PCDHGA1: variants seen among roughly 807,000 people sequenced by gnomAD.
The protein encoded by PCDHGA1 is protocadherin gamma subfamily A, 1, also known as protocadherin gamma-A1.
In PCDHGA1, 32 loss-of-function variants were observed where a neutral mutation model predicts 58.0. The ratio of observed to expected loss-of-function variants is 0.55; its 90% CI spans 0.42 to 0.74. The LOEUF (loss-of-function observed/expected upper bound fraction) is 0.74. PCDHGA1 is among the 30% of genes least tolerant of loss of function. PCDHGA1 has a pLI of 0.00. For synonymous variants in PCDHGA1, 498 were observed against 501.1 expected (o/e 0.99, Z 0.08); for missense variants, 1,205 against 1,182.3 (o/e 1.02, Z -0.28).
chr5:141,399,685 C>G (rs1344845350), intron 1 of PCDHGA1: 1 of 1,613,532 alleles, frequency 6.2e-7, no homozygotes, highest in African/African-American at 1.3e-5. Context: ...TGACTACGAG[C>G]AGCTGCGCAC....
In PCDHGA1 at chr5:141,332,079, C is replaced by A; in HGVS notation, c.1395C>A (p.Asn465Lys). Residue 465 changes from asparagine to lysine, a missense_variant, in exon 1 of 4, where the codon AAC (asparagine) becomes AAA (lysine). Asn to Lys is a moderately conservative substitution (Grantham distance 94, BLOSUM62 0). Transcript: ENST00000517417. The surrounding 1 kb of genome is among the most constrained non-coding windows in gnomAD (Gnocchi z 4.6). ...ACTCTGCCTACATTCCCGAAAACAA[C>A]CCCAGAGGAGCCTCCATCTTCTCTG... is the stretch of plus-strand genomic sequence containing the variant. ...DSYSAYIPEN[N>K]PRGASIFSVR... is the part of the protein sequence containing the mutation. 1.2e-6 allele frequency: 2 copies of A among 1,614,156 alleles called. No individual in the cohort carries two copies. The highest frequency in any genetic ancestry group is 1.7e-6 in the Non-Finnish European group (2 of 1,180,036).
intron 1 of PCDHGA1, among the ~76,000 whole-genome samples, chr5:141,481,863 G>A (rs182704348): frequency 8.8e-4 from 130 of 147,602 alleles, no homozygotes; most frequent in African/African-American, 3.3e-3. Flanking sequence ...GCAGTGAGCC[G>A]AGATCGCGCC....
chr5:141,405,648 G>A (rs936380418), intron 1 of PCDHGA1: 3 of 523,734 alleles, frequency 5.7e-6, no homozygotes, highest in East Asian at 3.2e-5. Flanking sequence ...CTAATTTTTT[G>A]TGTGTTTTTA....
chr5:141,415,355 G>A (rs1200011688), intron 1 of PCDHGA1: 2 of 1,614,210 alleles, frequency 1.2e-6, no homozygotes, highest in Non-Finnish European at 1.7e-6. Context: ...CACAAGTCAC[G>A]CCTGCTGCAG....
At chr5:141,412,601 A>G (rs2095565422) in intron 1 of PCDHGA1, 1 of 152,188 alleles carries the variant, frequency 6.6e-6, no homozygotes, top group African/African-American at 2.4e-5. Context: ...ACTAAATAAA[A>G]TTGGCCTATT....
intron 1 of PCDHGA1, among the ~76,000 whole-genome samples, chr5:141,463,438 CTTTTT>C (rs71576115): frequency 7.7e-5 from 8 of 103,256 alleles, no homozygotes; most frequent in African/African-American, 2.7e-4. Flanking sequence ...TTTCCTTCTC[CTTTTT>C]TTTTTTTTTT....
At chr5:141,504,462 G>A (rs1375731108) in intron 2 of PCDHGA1, among the ~76,000 whole-genome samples, 5 of 152,074 alleles carry the variant, frequency 3.3e-5, no homozygotes, top group African/African-American at 9.7e-5. Flanking sequence ...TGGGGCAGCC[G>A]CTGGGATGGG....
chr5:141,339,978 C>G (rs750684528), intron 1 of PCDHGA1: 2 of 1,613,948 alleles, frequency 1.2e-6, no homozygotes, highest in East Asian at 2.2e-5. Flanking sequence ...GTTATCGTCA[C>G]GGTTCTGGAT....
chr5:141,387,086 A>G (rs761672201), intron 1 of PCDHGA1, among the ~76,000 whole-genome samples: 4 of 152,226 alleles, frequency 2.6e-5, no homozygotes, highest in Non-Finnish European at 5.9e-5. Context: ...GCCTGTGATC[A>G]TCGAAATGAG....
chr5:141,482,530 CA>C (rs3074545), intron 1 of PCDHGA1, among the ~76,000 whole-genome samples: 1,133 of 76,538 alleles, frequency 0.015, 6 homozygotes, highest in Admixed American at 0.025. Flanking sequence ...GACAGACATG[CA>C]AAAAAAAAAA....
In PCDHGA1 at chr5:141,415,516, G is replaced by T. The variant is rs199990575; in HGVS notation, c.2422-79291G>T. The T allele has an allele frequency of 1.9e-6, 3 of 1,614,220 alleles. No individual in the cohort carries two copies. In the African/African-American group the frequency reaches 4.0e-5, roughly 22 times the overall value. ...GATCTTCCCCCAGCCCAATTATGCG[G>T]ACACGCTCATCAGCCAGGAGAGCTG... On this transcript the variant is annotated intron_variant, in intron 1 of 3. Coordinates refer to ENST00000517417, the MANE Select transcript of PCDHGA1 (RefSeq NM_018912.3).
At position 141,431,684 on chromosome 5, in the gene PCDHGA1, C is replaced by A. The variant is rs1017231854; in HGVS notation, c.2422-63123C>A. On this transcript the variant is annotated intron_variant, in intron 1 of 3. Transcript: ENST00000517417. This position sits in a 1 kb window ranked among gnomAD's most constrained non-coding sequence, Gnocchi z 4.8. Reference sequence around the variant, plus strand: ...AATATCAACAATAGGGGAGTTGGACCACGAGGAGTCAGGATTCTACCAGAT... The same window carrying A: ...AATATCAACAATAGGGGAGTTGGACAACGAGGAGTCAGGATTCTACCAGAT... The A allele has an allele frequency of 1.9e-6, 3 of 1,614,186 alleles. No homozygotes were observed. Among genetic ancestry groups the A allele is most frequent in the Admixed American group, 1.7e-5 (1 of 60,032 alleles).
chr5:141,413,397 T>A, intron 1 of PCDHGA1: 1 of 1,613,942 alleles, frequency 6.2e-7, no homozygotes, highest in Non-Finnish European at 8.5e-7. Context: ...TCTCCAGAGG[T>A]AGGACGCAGC....
At chr5:141,383,630 T>A in intron 1 of PCDHGA1, 3 of 1,613,986 alleles carry the variant, frequency 1.9e-6, no homozygotes, top group Non-Finnish European at 1.7e-6. Context: ...GTCTTCTCTC[T>A]GCCTCAGTAC....
intron 1 of PCDHGA1, chr5:141,415,748 T>A: frequency 9.9e-7 from 1 of 1,008,964 alleles, no homozygotes; most frequent in Non-Finnish European, 1.2e-6. Context: ...AGGTTTTTTT[T>A]TTTTTTTTTT....
intron 1 of PCDHGA1, chr5:141,375,169 A>G: frequency 6.2e-7 from 1 of 1,614,010 alleles, no homozygotes; most frequent in South Asian, 1.1e-5. Flanking sequence ...GTGCACCTCC[A>G]GGAACAGTAA....
At chr5:141,385,448 AC>A (rs1336219074) in intron 1 of PCDHGA1, 2 of 1,449,614 alleles carry the variant, frequency 1.4e-6, no homozygotes, top group Non-Finnish European at 9.1e-7. Flanking sequence ...AAATGAGTTT[AC>A]CAGTTTCCTT....
In PCDHGA1 at chr5:141,394,617, G is replaced by A. The variant is rs369651266; in HGVS notation, c.2421+61512G>A. The A allele has an allele frequency of 1.7e-5, 28 of 1,613,372 alleles. No individual in the cohort carries two copies. The Admixed American group carries it at 2.8e-4, about 16-fold the overall frequency. On this transcript the variant is annotated intron_variant, in intron 1 of 3. Coordinates refer to ENST00000517417, the MANE Select transcript of PCDHGA1 (RefSeq NM_018912.3). ...GGTGGACAGAGACTCGGGCCAGAAC[G>A]CCTGGCTGTCCTACCGCCTGCTCAA... is the stretch of plus-strand genomic sequence containing the variant.
intron 1 of PCDHGA1, among the ~76,000 whole-genome samples, chr5:141,457,343 T>C (rs1372992422): frequency 6.6e-6 from 1 of 152,240 alleles, no homozygotes; most frequent in African/African-American, 2.4e-5. Flanking sequence ...TTACTTACTT[T>C]CATTACCTGG....
Sources: allele counts gnomAD v4.1 joint callset (sites outside exome capture counted in the v4.1 genomes callset), GRCh38; gene constraint gnomAD v4.1.1; non-coding constraint Gnocchi (gnomAD v3.1); transcripts MANE v1.5; gene names NCBI Gene and HGNC (gene_info 2026-07-23, HGNC 2026-07-21).